The following SVEP1 variants were observed in gnomAD, a reference collection of about 807,000 sequenced individuals.
SVEP1 encodes sushi, von Willebrand factor type A, EGF and pentraxin domain containing 1.
A neutral mutation model predicts 367.3 loss-of-function variants in SVEP1; 164 were observed. The observed-to-expected ratio is 0.45, with a 90% CI of 0.39 to 0.51. The LOEUF (loss-of-function observed/expected upper bound fraction) is 0.51, where lower values mean the gene tolerates loss of function less well. Among genes scored for constraint, SVEP1 ranks in the 20% least tolerant of loss-of-function variants. The probability of loss-of-function intolerance (pLI) is 0.00; values close to 1 mark genes in which losing one functional copy is unlikely to be tolerated. For missense variants in SVEP1, 4,117 were observed against 4,425.3 expected (o/e 0.93, Z 1.98); for synonymous variants, 1,666 against 1,611.6 (o/e 1.03, Z -0.81).
intron 46 of SVEP1, among the ~76,000 whole-genome samples, chr9:110,373,917 C>T (rs568494206): frequency 1.3e-5 from 2 of 152,274 alleles, no homozygotes; most frequent in South Asian, 4.1e-4. Context: ...AATCAACTAC[C>T]ATTTGTTACT....
At chr9:110,471,320 C>T (rs1436093530) in intron 16 of SVEP1, 44 bp downstream of exon 16, 3 of 1,521,712 alleles carry the variant, frequency 2.0e-6, no homozygotes, top group Non-Finnish European at 1.8e-6. Flanking sequence ...TCTCATTTGA[C>T]CCAGTATGCA....
At chr9:110,382,312 G>C (rs1827450890) in intron 43 of SVEP1, among the ~76,000 whole-genome samples, 1 of 152,102 alleles carries the variant, frequency 6.6e-6, no homozygotes, top group Non-Finnish European at 1.5e-5. Flanking sequence ...TGTCTGAAAA[G>C]GATTTTATTT....
intron 18 of SVEP1, 127 bp downstream of exon 18, chr9:110,465,738 T>C (rs1828926213): frequency 1.6e-6 from 2 of 1,241,050 alleles, no homozygotes; most frequent in Admixed American, 2.9e-5. Context: ...AAAACCTCTT[T>C]ATGAAGAGAC....
In SVEP1 at chr9:110,429,301, T is replaced by C. The variant is rs754660862; in HGVS notation, c.5649A>G (p.Lys1883=). ...CNKGYTLAGD[K]ESSCLANSSW... ...AACTGTTAGCAAGACAGGATGATTC[T>C]TTATCACCGGCCAGAGTATATCCTT... The change falls in exon 35 of 48, where the codon AAA becomes AAG. Residue 1883 remains lysine, a synonymous_variant. Transcript: ENST00000374469. The C allele has an allele frequency of 6.3e-7, 1 of 1,588,666 alleles. No individual in the cohort carries two copies. The highest frequency in any genetic ancestry group is 8.6e-7 in the Non-Finnish European group (1 of 1,167,178).
At chr9:110,501,491 T>C (rs1469944895) in intron 6 of SVEP1, among the ~76,000 whole-genome samples, 1 of 148,586 alleles carries the variant, frequency 6.7e-6, no homozygotes, top group Non-Finnish European at 1.5e-5. Context: ...ATTAGTAGAT[T>C]CATTCTATTT....
chr9:110,394,485 G>A (rs1386243380), intron 40 of SVEP1, among the ~76,000 whole-genome samples: 2 of 152,292 alleles, frequency 1.3e-5, no homozygotes, highest in East Asian at 1.9e-4. Context: ...ACCAGCAACA[G>A]AACAAAGCTG....
At position 110,406,931 on chromosome 9, in the gene SVEP1, C is replaced by CTGACAGGCT. The variant is rs753349905; in HGVS notation, c.8668_8669insAGCCTGTCA (p.Val2889_Arg2890insLysProVal). ...GGCCAGTTGTGGCGGGGTGGCACAT[C>CTGACAGGCT]TGACAGGCACACAGTCGGGAGTGGC... On this transcript the variant is annotated inframe_insertion, in exon 38 of 48. Transcript: ENST00000374469. 1 of 1,613,820 alleles carries CTGACAGGCT rather than the reference C, an allele frequency of 6.2e-7. No individual in the cohort carries two copies. The highest frequency in any genetic ancestry group is 1.1e-5 in the South Asian group (1 of 91,082).
At chr9:110,555,318 G>A (rs1490301770) in intron 1 of SVEP1, among the ~76,000 whole-genome samples, 2 of 152,128 alleles carry the variant, frequency 1.3e-5, no homozygotes, top group Non-Finnish European at 2.9e-5. Context: ...ATGAATGAAT[G>A]AATGAATGAG....
chr9:110,497,073 C>T, intron 7 of SVEP1, 140 bp from the exon 8 acceptor site: 1 of 543,602 alleles, frequency 1.8e-6, no homozygotes, highest in Admixed American at 3.1e-5. Context: ...GGAATCTGCA[C>T]CCACCTGCTT....
chr9:110,427,758 G>A lies in SVEP1; in HGVS notation c.5808C>T (p.Ser1936=). The A allele has an allele frequency of 1.2e-6, 2 of 1,608,610 alleles. No individual in the cohort carries two copies. Among genetic ancestry groups the A allele is most frequent in the South Asian group, 1.1e-5 (1 of 90,096 alleles). ...TASYSCDTGY[S]LQGPSIIECT... is the part of the protein sequence containing the mutation. ...ATTCAATAATGGAAGGGCCCTGTAA[G>A]CTGCGGGAAAGAATGATGTTACTCT... is the stretch of plus-strand genomic sequence containing the variant. Residue 1936 remains serine, a splice_region_variant and synonymous_variant, in exon 36 of 48, where the codon AGC becomes AGT. Transcript: ENST00000374469.
chr9:110,422,670 C>T lies in SVEP1; in HGVS notation c.5975+4921G>A, dbSNP rs921966836. Among the ~76,000 whole-genome samples, 494 of 123,234 alleles carry T rather than the reference C, an allele frequency of 4.0e-3. 29 individuals carry two copies. The highest frequency in any genetic ancestry group is 0.015 in the African/African-American group (465 of 30,216). 80.8% of individuals were successfully genotyped at this position (123,234 alleles called of 152,430 possible). On this transcript the variant is annotated intron_variant, in intron 36 of 47. Coordinates refer to ENST00000374469, the MANE Select transcript of SVEP1 (RefSeq NM_153366.4). ...ATGCTGCTATAAAGACACATGCACA[C>T]GTATGTTTATAGCGGCACTATTCAC...
At chr9:110,405,953 T>C (rs1239674267) in intron 38 of SVEP1, among the ~76,000 whole-genome samples, 1 of 152,192 alleles carries the variant, frequency 6.6e-6, no homozygotes. Flanking sequence ...ATTAGAAACA[T>C]GTCTGAAAAA....
chr9:110,379,888 T>C (rs930808785), intron 43 of SVEP1, among the ~76,000 whole-genome samples: 3 of 152,214 alleles, frequency 2.0e-5, no homozygotes, highest in Non-Finnish European at 4.4e-5. Flanking sequence ...TAGTCTACTG[T>C]TTCAGAGTAA....
intron 5 of SVEP1, among the ~76,000 whole-genome samples, chr9:110,506,107 T>C (rs1829623145): frequency 6.6e-6 from 1 of 152,196 alleles, no homozygotes; most frequent in Non-Finnish European, 1.5e-5. Flanking sequence ...CTGAGAATGA[T>C]GGTTTCCAGC....
intron 1 of SVEP1, among the ~76,000 whole-genome samples, chr9:110,575,310 A>G (rs1336983626): frequency 1.3e-5 from 2 of 152,072 alleles, no homozygotes; most frequent in African/African-American, 2.4e-5. Context: ...CTCATTACCC[A>G]TTTTACTGTT....
Position 110,408,796 on chromosome 9 carries a change from G to A in SVEP1, c.6804C>T (p.Pro2268=), listed in dbSNP as rs1827997605. The A allele has an allele frequency of 3.1e-6, 5 of 1,613,120 alleles. No homozygotes were observed. The highest frequency in any genetic ancestry group is 1.6e-4 in the Middle Eastern group (1 of 6,062). ...MCVPLDCGKP[P]PIQNGFMKGE... Reference sequence around the variant, plus strand: ...CTTTCATGAAGCCATTCTGGATCGGGGGAGGTTTTCCACAGTCGAGAGGAA... The same window carrying A: ...CTTTCATGAAGCCATTCTGGATCGGAGGAGGTTTTCCACAGTCGAGAGGAA... The change falls in exon 38 of 48, where the codon CCC becomes CCT. Residue 2268 remains proline, a synonymous_variant. Coordinates refer to ENST00000374469, the MANE Select transcript of SVEP1 (RefSeq NM_153366.4).
intron 33 of SVEP1, 134 bp downstream of exon 33, chr9:110,430,140 T>C (rs1828329145): frequency 8.9e-7 from 1 of 1,121,746 alleles, no homozygotes; most frequent in African/African-American, 1.7e-5. Flanking sequence ...GTGTGTGGGG[T>C]CATGTTTAAA....
chr9:110,425,130 G>C (rs1828232550), intron 36 of SVEP1, among the ~76,000 whole-genome samples: 1 of 152,094 alleles, frequency 6.6e-6, no homozygotes, highest in African/African-American at 2.4e-5. Flanking sequence ...TTCTCATCAA[G>C]AGTTTTAATT....
intron 40 of SVEP1, among the ~76,000 whole-genome samples, chr9:110,395,462 A>C (rs1429014118): frequency 1.3e-5 from 2 of 152,224 alleles, no homozygotes; most frequent in Non-Finnish European, 2.9e-5. Flanking sequence ...CAAAATAGCC[A>C]GCTGACATCA....
Sources: allele counts gnomAD v4.1 joint callset (sites outside exome capture counted in the v4.1 genomes callset), GRCh38; gene constraint gnomAD v4.1.1; transcripts MANE v1.5; gene names NCBI Gene and HGNC (gene_info 2026-07-23, HGNC 2026-07-21).